ANO4: variants seen among roughly 807,000 people sequenced by gnomAD.
The protein encoded by ANO4 is anoctamin-4.
In ANO4, 69 loss-of-function variants were observed where a neutral mutation model predicts 141.9. The ratio of observed to expected loss-of-function variants is 0.49; its 90% CI spans 0.40 to 0.59. The LOEUF (loss-of-function observed/expected upper bound fraction) is 0.59. Among genes scored for constraint, ANO4 ranks in the 20% least tolerant of loss-of-function variants. The pLI is 0.00. For missense variants in ANO4, 894 were observed against 1,162.2 expected, an observed-to-expected ratio of 0.77 and a Z score of 3.36; for synonymous variants, 350 against 394.3, an observed-to-expected ratio of 0.89 and a Z score of 1.33.
intron 6 of ANO4, 131 bp from the exon 7 acceptor site, chr12:100,974,714 C>T: frequency 2.1e-6 from 2 of 932,320 alleles, no homozygotes; most frequent in Non-Finnish European, 3.5e-6. Flanking sequence ...CACTGTTAAT[C>T]TCTTTTTAGT....
At chr12:100,728,656 T>C (rs2031242800) in intron 1 of ANO4, among the ~76,000 whole-genome samples, 1 of 152,158 alleles carries the variant, frequency 6.6e-6, no homozygotes, top group African/African-American at 2.4e-5. Flanking sequence ...TGGGTATAAG[T>C]GAAATAATAA....
In ANO4 at chr12:100,915,243, C is replaced by T. The variant is rs995140279; in HGVS notation, c.56-6983C>T. Among the ~76,000 whole-genome samples the T allele has an allele frequency of 2.8e-4, 43 of 152,002 alleles. 2 individuals are homozygous for T. Among genetic ancestry groups the T allele is most frequent in the Non-Finnish European group, 7.4e-5 (5 of 68,012 alleles). ...ATGGGTTCTTTGGTGCCTCTTAAGT[C>T]CAAAAATATTACATGTGAGGATTTA... On this transcript the variant is annotated intron_variant, in intron 2 of 27. Coordinates refer to ENST00000392977, the MANE Select transcript of ANO4 (RefSeq NM_001286615.2).
chr12:100,812,149 C>T (rs2035479104), intron 1 of ANO4, among the ~76,000 whole-genome samples: 1 of 152,168 alleles, frequency 6.6e-6, no homozygotes. Context: ...CTTAGCTCAG[C>T]ATCTGGCATA....
At chr12:100,998,379 T>TTATCTATCTATCTATCTATC (rs5800449) in intron 8 of ANO4, among the ~76,000 whole-genome samples, 24 of 148,882 alleles carry the variant, frequency 1.6e-4, no homozygotes, top group Middle Eastern at 3.4e-3. Flanking sequence ...AAACTCCCCT[T>TTATCTATCTATCTATCTATC]TATCTATCTA....
At chr12:100,925,495 G>C (rs531340247) in intron 3 of ANO4, among the ~76,000 whole-genome samples, 1 of 151,436 alleles carries the variant, frequency 6.6e-6, no homozygotes, top group African/African-American at 2.4e-5. Flanking sequence ...TGTCCTGTCG[G>C]GGGGTGGGGG....
intron 3 of ANO4, among the ~76,000 whole-genome samples, chr12:100,765,933 T>C (rs1189097662): frequency 1.3e-5 from 2 of 151,994 alleles, no homozygotes; most frequent in Non-Finnish European, 2.9e-5. Flanking sequence ...TGTGTTTTTA[T>C]TAACTCCGGT....
At chr12:100,729,340 G>A (rs1282146239) in intron 1 of ANO4, among the ~76,000 whole-genome samples, 20 of 36,936 alleles carry the variant, frequency 5.4e-4, no homozygotes. Context: ...GGCAATAAAA[G>A]CAAGGGCAAA....
chr12:100,798,195 G>A (rs1262088365), intron 1 of ANO4, among the ~76,000 whole-genome samples: 2 of 152,196 alleles, frequency 1.3e-5, no homozygotes, highest in African/African-American at 4.8e-5. Flanking sequence ...ATTTGATTAT[G>A]TGATACAGCT....
At chr12:101,057,647 C>G (rs1252306737) in intron 14 of ANO4, among the ~76,000 whole-genome samples, 1 of 152,102 alleles carries the variant, frequency 6.6e-6, no homozygotes, top group Non-Finnish European at 1.5e-5. Context: ...TGTTTGTTGC[C>G]TGTGTAAATG....
chr12:100,911,821 G>A (rs1173327600), intron 2 of ANO4, among the ~76,000 whole-genome samples: 1 of 152,130 alleles, frequency 6.6e-6, no homozygotes, highest in East Asian at 1.9e-4. Flanking sequence ...GTTCTGCCAA[G>A]AGTCAGGATA....
chr12:100,925,426 T>C (rs2041823356), intron 3 of ANO4, among the ~76,000 whole-genome samples: 1 of 151,670 alleles, frequency 6.6e-6, no homozygotes, highest in African/African-American at 2.4e-5. Flanking sequence ...GAACATGCGG[T>C]GTTTGGTTTT....
intron 14 of ANO4, among the ~76,000 whole-genome samples, chr12:101,073,039 A>G (rs189634890): frequency 6.6e-6 from 1 of 152,194 alleles, no homozygotes; most frequent in South Asian, 2.1e-4. Flanking sequence ...TTCCTCAAGG[A>G]TCTAGAACTG....
At chr12:101,065,984 C>A (rs1412530093) in intron 14 of ANO4, among the ~76,000 whole-genome samples, 2 of 152,174 alleles carry the variant, frequency 1.3e-5, no homozygotes, top group Admixed American at 6.5e-5. Flanking sequence ...TGTGATACAT[C>A]ATATCAACAG....
intron 8 of ANO4, among the ~76,000 whole-genome samples, chr12:101,002,150 C>T (rs1435529361): frequency 6.6e-6 from 1 of 152,216 alleles, no homozygotes; most frequent in Non-Finnish European, 1.5e-5. Flanking sequence ...CTCTTCACCT[C>T]TGTCTTTCCT....
chr12:100,759,184 T>A (rs1182169484), intron 3 of ANO4, among the ~76,000 whole-genome samples: 2 of 152,182 alleles, frequency 1.3e-5, no homozygotes, highest in Non-Finnish European at 2.9e-5. Context: ...CTAACTCAAG[T>A]TTTTGGATGC....
chr12:100,971,265 T>C (rs1041323162), intron 5 of ANO4, 41 bp from the exon 6 acceptor site: 3 of 1,440,128 alleles, frequency 2.1e-6, no homozygotes, highest in Non-Finnish European at 2.9e-6. Context: ...TGTGGGAGCC[T>C]TGAATATACT....
chr12:100,820,280 T>C (rs1453330506), intron 1 of ANO4, among the ~76,000 whole-genome samples: 2 of 151,540 alleles, frequency 1.3e-5, no homozygotes, highest in Admixed American at 1.3e-4. Flanking sequence ...CCAAGTAAAC[T>C]CTTTCAAACA....
At chr12:100,749,659 A>C (rs907944810) in intron 3 of ANO4, among the ~76,000 whole-genome samples, 2 of 152,232 alleles carry the variant, frequency 1.3e-5, no homozygotes, top group African/African-American at 4.8e-5. Context: ...CTATGAAGTT[A>C]CTTGGGGATT....
At chr12:100,988,175 T>C (rs2044809811) in intron 8 of ANO4, among the ~76,000 whole-genome samples, 1 of 152,232 alleles carries the variant, frequency 6.6e-6, no homozygotes, top group Non-Finnish European at 1.5e-5. Context: ...GCCCACTTGC[T>C]GAGTCATCTG....
Sources: allele counts gnomAD v4.1 joint callset (sites outside exome capture counted in the v4.1 genomes callset), GRCh38; gene constraint gnomAD v4.1.1; transcripts MANE v1.5; gene names NCBI Gene and HGNC (gene_info 2026-07-23, HGNC 2026-07-21).